Variants in SSB observed in about 807,000 individuals in gnomAD.
The protein encoded by SSB is small RNA binding exonuclease protection factor La, also known as lupus La protein.
SSB carries 17 observed loss-of-function variants against 52.9 expected under a neutral mutation model. The ratio of observed to expected loss-of-function variants is 0.32; its 90% CI spans 0.22 to 0.48. The LOEUF is 0.48. SSB is among the 20% of genes least tolerant of loss of function. The pLI, the probability that SSB is intolerant of heterozygous loss-of-function variation, is 0.99. For missense variants in SSB, 314 were observed against 463.6 expected (o/e 0.68, Z 2.96); for synonymous variants, 111 against 152.1 (o/e 0.73, Z 1.99).
chr2:169,807,179 T>C, intron 6 of SSB, 108 bp downstream of exon 6: 3 of 806,530 alleles, frequency 3.7e-6, no homozygotes, highest in Non-Finnish European at 6.1e-6. Context: ...TCTTAGTATC[T>C]TTAGATGACC....
At chr2:169,810,201 T>C in intron 8 of SSB, 82 bp from the exon 9 acceptor site, 2 of 1,012,216 alleles carry the variant, frequency 2.0e-6, no homozygotes, top group Non-Finnish European at 2.7e-6. Flanking sequence ...CTTTTTCTTG[T>C]ATAGCTATAA....
chr2:169,804,033 G>C (rs1260165504), intron 2 of SSB, among the ~76,000 whole-genome samples: 2 of 152,064 alleles, frequency 1.3e-5, no homozygotes, highest in Non-Finnish European at 2.9e-5. Context: ...GCCACCGTGC[G>C]AGGCCAATAA....
intron 4 of SSB, chr2:169,806,206 C>T (rs1454634452): frequency 7.8e-6 from 2 of 256,124 alleles, no homozygotes; most frequent in Non-Finnish European, 1.5e-5. Flanking sequence ...CTCAAGTGAT[C>T]CAATCACCTT....
intron 6 of SSB, 21 bp downstream of exon 6, chr2:169,807,092 T>C: frequency 6.2e-7 from 1 of 1,604,430 alleles, no homozygotes; most frequent in Non-Finnish European, 8.5e-7. Flanking sequence ...TTGCTGATGT[T>C]TCTCCTGGCC....
chr2:169,800,911 A>G, intron 1 of SSB, 41 bp from the exon 2 acceptor site: 1 of 1,422,534 alleles, frequency 7.0e-7, no homozygotes, highest in Non-Finnish European at 9.6e-7. Flanking sequence ...CTTGAGTTTT[A>G]TATAAAAAAT....
chr2:169,810,729 C>T (rs563105324), intron 9 of SSB, 129 bp from the exon 10 acceptor site: 2 of 881,248 alleles, frequency 2.3e-6, no homozygotes, highest in South Asian at 1.8e-5. Context: ...TTCTACTGTT[C>T]AGTAAAATTC....
In SSB at chr2:169,809,107, G is replaced by A. The variant is rs755514878; in HGVS notation, c.669+205G>A. On this transcript the variant is annotated intron_variant, in intron 8 of 11. Coordinates refer to ENST00000260956, the MANE Select transcript of SSB (RefSeq NM_003142.5). ...TTCTAAAATATGGAAAAGGCCGGGT[G>A]CAGTGGCCCACGCCTGTAATCCCAG... The A allele has an allele frequency of 1.4e-4, 82 of 569,302 alleles. 1 individual carries two copies. Among genetic ancestry groups the A allele is most frequent in the Non-Finnish European group, 2.4e-4 (74 of 306,530 alleles). The allele number at this position is 569,302 out of a possible 1,614,324, so 35.3% of individuals were successfully genotyped here. A position where few individuals can be genotyped will look rare whatever the true frequency, so the allele number is the denominator to read the frequency against.
rs1558973942 is a variant in SSB at position 169,811,652 on chromosome 2, A to C, written c.1139-16A>C. The C allele has an allele frequency of 3.7e-6, 6 of 1,600,876 alleles. No homozygotes were observed. The highest frequency in any genetic ancestry group is 5.1e-6 in the Non-Finnish European group (6 of 1,176,458). On this transcript the variant is annotated splice_polypyrimidine_tract_variant and intron_variant, in intron 11 of 11. Coordinates refer to ENST00000260956, the MANE Select transcript of SSB (RefSeq NM_003142.5). ...ACTTACGTTGAATTTAACAAAAATTAATTGTTACGTTATAGGACCTGTGAA... is the reference window on the plus strand; with the variant it reads ...ACTTACGTTGAATTTAACAAAAATTCATTGTTACGTTATAGGACCTGTGAA...
intron 1 of SSB, 84 bp from the exon 2 acceptor site, chr2:169,800,868 A>T (rs79842510): frequency 1.0e-6 from 1 of 989,154 alleles, no homozygotes; most frequent in South Asian, 2.0e-5. Flanking sequence ...AGAAAACGGG[A>T]TATTAATACT....
intron 1 of SSB, among the ~76,000 whole-genome samples, chr2:169,800,279 C>G (rs1689680767): frequency 6.6e-6 from 1 of 152,036 alleles, no homozygotes. Flanking sequence ...ACCTGTAATC[C>G]CAGCACTTTG....
At position 169,811,305 on chromosome 2, in the gene SSB, G is replaced by A. The variant is rs934249542; in HGVS notation, c.1120G>A (p.Asp374Asn). The A allele has an allele frequency of 6.3e-7, 1 of 1,590,956 alleles. No individual in the cohort carries two copies. The highest frequency in any genetic ancestry group is 8.5e-7 in the Non-Finnish European group (1 of 1,173,504). ...FASDDEHDEH[D>N]ENGATGPVKR... ...TAGTGATGATGAACATGATGAACAT[G>A]ATGAAAATGGTGCAACTGGTAAGTT... Residue 374 changes from aspartate (D) to asparagine (N), a missense_variant, in exon 11 of 12, where the codon GAT becomes AAT. Asp to Asn is a conservative substitution (Grantham distance 23). Transcript: ENST00000260956.
chr2:169,808,635 T>C, intron 7 of SSB, 82 bp downstream of exon 7: 1 of 1,313,944 alleles, frequency 7.6e-7, no homozygotes, highest in African/African-American at 1.5e-5. Flanking sequence ...TCTGAAATAG[T>C]GGCAGTAGAC....
chr2:169,807,114 T>TG (rs1689845865), intron 6 of SSB, 43 bp downstream of exon 6: 2 of 1,513,364 alleles, frequency 1.3e-6, no homozygotes, highest in Non-Finnish European at 1.8e-6. Flanking sequence ...TTTACTTATA[T>TG]GGACACACAC....
chr2:169,802,194 G>A (rs1461914017), intron 2 of SSB, among the ~76,000 whole-genome samples: 1 of 151,984 alleles, frequency 6.6e-6, no homozygotes, highest in Non-Finnish European at 1.5e-5. Context: ...AGGGGGCGAG[G>A]GGAAGAAACT....
chr2:169,800,534 C>CAAAAAAAAAAAA lies in SSB; in HGVS notation c.-9-410_-9-399dup, dbSNP rs59743225. Among the ~76,000 whole-genome samples, 139 of 78,162 alleles carry CAAAAAAAAAAAA rather than the reference C, an allele frequency of 1.8e-3. 2 individuals are homozygous for CAAAAAAAAAAAA. Among genetic ancestry groups the CAAAAAAAAAAAA allele is most frequent in the African/African-American group, 2.4e-3 (43 of 17,670 alleles). The allele number at this position is 78,162 out of a possible 152,430, so 51.3% of individuals were successfully genotyped here. On this transcript the variant is annotated intron_variant, in intron 1 of 11. Transcript: ENST00000260956. ...GGGCAACAAAAGCGAGACTCCGTCT[C>CAAAAAAAAAAAA]AAAAAAAAAAAAAAAAAAAGAGGTG...
intron 4 of SSB, chr2:169,806,146 T>G: frequency 3.0e-6 from 1 of 331,254 alleles, no homozygotes; most frequent in South Asian, 2.5e-5. Flanking sequence ...AAAAATTTTT[T>G]GTAGAGACGG....
intron 1 of SSB, among the ~76,000 whole-genome samples, chr2:169,800,554 G>C (rs1322767379): frequency 3.9e-5 from 2 of 51,482 alleles, no homozygotes; most frequent in African/African-American, 7.1e-5. Flanking sequence ...AAAAAAAAAA[G>C]AGGTGAACCC....
chr2:169,808,452 A>C, intron 6 of SSB, 30 bp from the exon 7 acceptor site: 1 of 1,578,314 alleles, frequency 6.3e-7, no homozygotes, highest in Non-Finnish European at 8.7e-7. Context: ...TGTTCTCGTG[A>C]ACTTAGCCTC....
intron 8 of SSB, among the ~76,000 whole-genome samples, chr2:169,809,835 C>T (rs1689910015): frequency 6.6e-6 from 1 of 151,954 alleles, no homozygotes; most frequent in African/African-American, 2.4e-5. Flanking sequence ...CCAGGATGCT[C>T]TCGATCTCTT....
Sources: gnomAD v4.1 joint callset for allele counts (sites outside exome capture counted in the v4.1 genomes callset) on GRCh38, gnomAD v4.1.1 for gene constraint, MANE v1.5 for transcripts, NCBI Gene and HGNC (gene_info 2026-07-23, HGNC 2026-07-21) for gene names.